KIAA1217: variants seen among roughly 807,000 people sequenced by gnomAD.
KIAA1217 encodes the protein KIAA1217.
KIAA1217 carries 88 observed loss-of-function variants against 163.9 expected under a neutral mutation model. The ratio of observed to expected loss-of-function variants is 0.54; its 90% confidence interval spans 0.45 to 0.64. The LOEUF is 0.64. Among genes scored for constraint, KIAA1217 ranks in the 30% least tolerant of loss-of-function variants. The probability of loss-of-function intolerance (pLI) is 0.00; values close to 1 mark genes in which losing one functional copy is unlikely to be tolerated. For missense variants in KIAA1217, 2,372 were observed against 2,475.0 expected, an observed-to-expected ratio of 0.96 and a Z score of 0.88; for synonymous variants, 903 against 923.1, an observed-to-expected ratio of 0.98 and a Z score of 0.39.
chr10:24,238,714 G>C (rs2131250228), intron 2 of KIAA1217, among the ~76,000 whole-genome samples: 1 of 152,274 alleles, frequency 6.6e-6, no homozygotes, highest in East Asian at 1.9e-4. Context: ...TGGAAAAGAA[G>C]TATCAATTGA....
chr10:24,102,474 T>C (rs899565266), intron 2 of KIAA1217, among the ~76,000 whole-genome samples: 1 of 152,238 alleles, frequency 6.6e-6, no homozygotes, highest in African/African-American at 2.4e-5. Flanking sequence ...CCCAACTTGA[T>C]GTATAGATTC....
intron 2 of KIAA1217, among the ~76,000 whole-genome samples, chr10:24,072,791 T>C (rs2061232481): frequency 2.0e-5 from 3 of 152,004 alleles, no homozygotes; most frequent in South Asian, 2.1e-4. Flanking sequence ...GTTTGAAAGA[T>C]TGGGGGTGGA....
intron 1 of KIAA1217, among the ~76,000 whole-genome samples, chr10:23,821,046 T>C (rs959256018): frequency 1.2e-4 from 18 of 152,100 alleles, no homozygotes; most frequent in African/African-American, 4.1e-4. Context: ...AAGTCAGCCG[T>C]GTCTTTCCAC....
At chr10:23,817,964 T>C (rs1292140282) in intron 1 of KIAA1217, among the ~76,000 whole-genome samples, 7 of 2,414 alleles carry the variant, frequency 2.9e-3, no homozygotes, top group South Asian at 0.016. Flanking sequence ...TGGTGGCACA[T>C]ATATATATAT....
At chr10:23,926,860 G>C (rs1843042924) in intron 1 of KIAA1217, among the ~76,000 whole-genome samples, 1 of 151,832 alleles carries the variant, frequency 6.6e-6, no homozygotes, top group South Asian at 2.1e-4. Flanking sequence ...TCTGTGTTTA[G>C]AGAAAGTTAT....
At chr10:24,159,522 G>A (rs1049412640) in intron 2 of KIAA1217, among the ~76,000 whole-genome samples, 1 of 152,070 alleles carries the variant, frequency 6.6e-6, no homozygotes, top group Non-Finnish European at 1.5e-5. Flanking sequence ...ACTCATGCCT[G>A]TAATCCCAGC....
chr10:24,301,485 C>A (rs1374352329), intron 2 of KIAA1217, among the ~76,000 whole-genome samples: 2 of 152,124 alleles, frequency 1.3e-5, no homozygotes, highest in African/African-American at 4.8e-5. Context: ...ACCACAGTGC[C>A]AGGTGCAGCA....
chr10:24,197,868 C>A (rs2067063956), intron 2 of KIAA1217, among the ~76,000 whole-genome samples: 1 of 152,200 alleles, frequency 6.6e-6, no homozygotes, highest in Non-Finnish European at 1.5e-5. Flanking sequence ...ACAGTTCAAG[C>A]TTTTTGTGCA....
intron 2 of KIAA1217, among the ~76,000 whole-genome samples, chr10:24,220,636 A>T (rs1043267401): frequency 3.3e-5 from 5 of 149,828 alleles, no homozygotes; most frequent in African/African-American, 1.2e-4. Flanking sequence ...TTGTATTTTT[A>T]GTAGAGACGG....
At chr10:24,501,108 T>G (rs2067525332) in intron 8 of KIAA1217, among the ~76,000 whole-genome samples, 1 of 151,668 alleles carries the variant, frequency 6.6e-6, no homozygotes, top group African/African-American at 2.4e-5. Flanking sequence ...TAAACAAAAT[T>G]GATCAATTGA....
At chr10:24,477,627 C>G (rs1388274802) in intron 6 of KIAA1217, among the ~76,000 whole-genome samples, 3 of 152,164 alleles carry the variant, frequency 2.0e-5, no homozygotes, top group African/African-American at 7.2e-5. Flanking sequence ...ATCATAAACA[C>G]AGTAGAATTT....
At chr10:24,260,419 A>G (rs1249342888) in intron 2 of KIAA1217, among the ~76,000 whole-genome samples, 2 of 152,110 alleles carry the variant, frequency 1.3e-5, no homozygotes, top group African/African-American at 4.8e-5. Context: ...TCAGTTGTAT[A>G]GTAGTTACAC....
chr10:23,748,509 AGAGGAGAGGAAAGG>A (rs1272265521), intron 1 of KIAA1217, among the ~76,000 whole-genome samples: 13 of 122,626 alleles, frequency 1.1e-4, no homozygotes, highest in African/African-American at 4.3e-4. Flanking sequence ...AAAGGAGAGG[AGAGGAGAGGAAAGG>A]AAGGAGAGGG....
At chr10:23,996,124 C>T (rs181483982) in intron 1 of KIAA1217, among the ~76,000 whole-genome samples, 1 of 152,086 alleles carries the variant, frequency 6.6e-6, no homozygotes, top group Admixed American at 6.5e-5. Flanking sequence ...CCCTTTTTTG[C>T]CCACTTCTAG....
chr10:23,830,710 A>G (rs200399690), intron 1 of KIAA1217, among the ~76,000 whole-genome samples: 57 of 105,238 alleles, frequency 5.4e-4, no homozygotes, highest in African/African-American at 1.7e-3. Context: ...AGGTAGGTAG[A>G]TAGATAGGTA....
At chr10:24,493,418 G>A (rs764561849) in intron 6 of KIAA1217, among the ~76,000 whole-genome samples, 4 of 152,188 alleles carry the variant, frequency 2.6e-5, no homozygotes, top group Non-Finnish European at 5.9e-5. Flanking sequence ...TAACAAATAT[G>A]CATAACTGAA....
intron 2 of KIAA1217, among the ~76,000 whole-genome samples, chr10:24,049,315 T>C (rs1384344520): frequency 1.3e-5 from 2 of 152,144 alleles, no homozygotes; most frequent in African/African-American, 2.4e-5. Context: ...CATGAATCAC[T>C]GTGGAAAAGA....
chr10:24,191,033 A>C (rs183415041), intron 2 of KIAA1217, among the ~76,000 whole-genome samples: 40 of 152,266 alleles, frequency 2.6e-4, no homozygotes, highest in Non-Finnish European at 4.0e-4. Context: ...ATCTGTATAC[A>C]AAATACAAAA....
intron 2 of KIAA1217, among the ~76,000 whole-genome samples, chr10:24,149,291 T>A (rs371916171): frequency 7.2e-5 from 11 of 152,160 alleles, no homozygotes. Context: ...GCAATTCTCC[T>A]GCCTCAGCCT....
Sources: allele counts gnomAD v4.1 joint callset (sites outside exome capture counted in the v4.1 genomes callset), GRCh38; gene constraint gnomAD v4.1.1; transcripts MANE v1.5; gene names NCBI Gene and HGNC (gene_info 2026-07-23, HGNC 2026-07-21).